The following PRKCH variants were observed in gnomAD, a reference collection of about 807,000 sequenced individuals.
PRKCH encodes the protein protein kinase C eta type.
A neutral mutation model predicts 82.5 loss-of-function variants in PRKCH; 28 were observed. The ratio of observed to expected loss-of-function variants is 0.34; its 90% CI spans 0.25 to 0.47. The LOEUF is 0.47. PRKCH is among the 20% of genes least tolerant of loss of function. The pLI is 1.00. For missense variants in PRKCH, 705 were observed against 881.8 expected (o/e 0.80, Z 2.54); for synonymous variants, 322 against 327.4 (o/e 0.98, Z 0.18).
At chr14:61,231,027 G>C (rs571517229) in intron 1 of PRKCH, among the ~76,000 whole-genome samples, 7 of 152,282 alleles carry the variant, frequency 4.6e-5, no homozygotes, top group Admixed American at 2.6e-4. Flanking sequence ...TCATTAACAG[G>C]GAGATACATT....
At chr14:61,194,631 C>G (rs1454916052) in intron 1 of PRKCH, among the ~76,000 whole-genome samples, 1 of 152,204 alleles carries the variant, frequency 6.6e-6, no homozygotes, top group Non-Finnish European at 1.5e-5. Flanking sequence ...GCAGCCCAAA[C>G]AGACTAAGAC....
At chr14:61,193,054 A>G (rs2044417171) in intron 1 of PRKCH, among the ~76,000 whole-genome samples, 1 of 152,210 alleles carries the variant, frequency 6.6e-6, no homozygotes, top group Non-Finnish European at 1.5e-5. Flanking sequence ...GGGAATAATT[A>G]AAGGCAAGGG....
At chr14:61,243,265 G>C (rs2044855291) in intron 1 of PRKCH, among the ~76,000 whole-genome samples, 1 of 151,690 alleles carries the variant, frequency 6.6e-6, no homozygotes, top group African/African-American at 2.4e-5. Flanking sequence ...AGGTGTGGTT[G>C]TGCGCACCTG....
At chr14:61,263,885 GTGTGTGTGTGTA>G (rs1168358157) in intron 1 of PRKCH, among the ~76,000 whole-genome samples, 69 of 146,494 alleles carry the variant, frequency 4.7e-4, no homozygotes, top group African/African-American at 1.7e-3. Context: ...GTGTGTGTGT[GTGTGTGTGTGTA>G]TGTGTGTGTA....
chr14:61,354,323 T>C (rs936697365), intron 1 of PRKCH, among the ~76,000 whole-genome samples: 6 of 152,302 alleles, frequency 3.9e-5, no homozygotes, highest in East Asian at 3.9e-4. Context: ...ATAATTGCAG[T>C]TCCCATGTTG....
chr14:61,401,255 A>C (rs1382160247), intron 2 of PRKCH, among the ~76,000 whole-genome samples: 2 of 152,208 alleles, frequency 1.3e-5, no homozygotes, highest in Non-Finnish European at 2.9e-5. Flanking sequence ...CTTAAGCTAG[A>C]ACTCAGAAGA....
intron 1 of PRKCH, among the ~76,000 whole-genome samples, chr14:61,196,688 G>A (rs1252716863): frequency 6.6e-6 from 1 of 152,112 alleles, no homozygotes; most frequent in African/African-American, 2.4e-5. Context: ...GGACATAACT[G>A]GAGAATTCTG....
intron 9 of PRKCH, among the ~76,000 whole-genome samples, chr14:61,459,400 A>G (rs964024456): frequency 4.6e-5 from 7 of 152,226 alleles, no homozygotes; most frequent in East Asian, 3.8e-4. Context: ...ACAGCACACT[A>G]TGGGTCTGCT....
chr14:61,236,495 G>A (rs1452613184), intron 1 of PRKCH, among the ~76,000 whole-genome samples: 2 of 151,816 alleles, frequency 1.3e-5, no homozygotes, highest in Non-Finnish European at 2.9e-5. Context: ...GGATCATGAG[G>A]TCAGGAGTTC....
intron 1 of PRKCH, chr14:61,390,744 A>C (rs944613306): frequency 6.5e-6 from 1 of 153,092 alleles, no homozygotes; most frequent in African/African-American, 2.4e-5. Context: ...GATTGACCAG[A>C]CTTTGGTGGA....
Position 61,549,342 on chromosome 14 carries a change from G to A in PRKCH, c.1906-343G>A, listed in dbSNP as rs970936002. 3.9e-5 allele frequency among the ~76,000 whole-genome samples: 6 copies of A among 152,338 alleles called. No homozygotes were observed. In the East Asian group the frequency reaches 5.8e-4, roughly 15 times the overall value. On this transcript the variant is annotated intron_variant, in intron 13 of 13. Transcript: ENST00000332981. ...CAAATACAGCTGCACACCCCTCAGCGAGGCCTGCTGTGAAATGCCACCTTG... is the reference window on the plus strand; with the variant it reads ...CAAATACAGCTGCACACCCCTCAGCAAGGCCTGCTGTGAAATGCCACCTTG...
In PRKCH at chr14:61,280,234, C is replaced by T. The variant is rs1223717654; in HGVS notation, c.-19+92566C>T. 4 of 1,614,036 alleles carry T rather than the reference C, an allele frequency of 2.5e-6. No individual in the cohort carries two copies. The highest frequency in any genetic ancestry group is 2.2e-5 in the East Asian group (1 of 44,888). On this transcript the variant is annotated intron_variant, in intron 1 of 3. Transcript: ENST00000555185. The surrounding 1 kb of genome is among the most constrained non-coding windows in gnomAD (Gnocchi z 5.0). ...CTTGCCACCCATCCACGAGATGCTG[C>T]TGAAGATGAGGAGCTTGTGGCCGCC... is the stretch of plus-strand genomic sequence containing the variant.
chr14:61,530,381 C>T (rs1470176592), intron 11 of PRKCH, 26 bp from the exon 12 acceptor site: 1 of 1,489,134 alleles, frequency 6.7e-7, no homozygotes, highest in East Asian at 2.4e-5. Flanking sequence ...TATGAACCAC[C>T]TTCTCACGCT....
intron 2 of PRKCH, among the ~76,000 whole-genome samples, chr14:61,396,734 C>T (rs76261715): frequency 9.9e-4 from 150 of 151,938 alleles, no homozygotes; most frequent in African/African-American, 3.4e-3. Context: ...GTACAAGAAA[C>T]GAAAAGGAGT....
At chr14:61,196,658 T>C (rs1419569427) in intron 1 of PRKCH, among the ~76,000 whole-genome samples, 3 of 152,230 alleles carry the variant, frequency 2.0e-5, no homozygotes, top group Non-Finnish European at 4.4e-5. Context: ...TGAAAGCCCC[T>C]TTCCAATCTG....
chr14:61,478,704 C>T (rs1325527304), intron 9 of PRKCH, among the ~76,000 whole-genome samples: 1 of 151,970 alleles, frequency 6.6e-6, no homozygotes, highest in Admixed American at 6.6e-5. Context: ...CCAGTCTATA[C>T]AAAAAATTAG....
At chr14:61,366,388 G>C (rs1262412658) in intron 1 of PRKCH, among the ~76,000 whole-genome samples, 1 of 152,074 alleles carries the variant, frequency 6.6e-6, no homozygotes, top group Non-Finnish European at 1.5e-5. Context: ...TTATGGCCAG[G>C]CATCCTTTTC....
At chr14:61,368,923 C>G (rs796667590) in intron 1 of PRKCH, among the ~76,000 whole-genome samples, 6 of 152,076 alleles carry the variant, frequency 3.9e-5, no homozygotes, top group African/African-American at 1.4e-4. Flanking sequence ...TTTACTTATT[C>G]AGAAAGATGT....
rs189979338 is a variant in PRKCH at position 61,469,681 on chromosome 14, A to T, written c.1278+12002A>T. Among the ~76,000 whole-genome samples, 45 of 152,312 alleles carry T rather than the reference A, an allele frequency of 3.0e-4. No individual in the cohort carries two copies. In the East Asian group the frequency reaches 8.1e-3, roughly 27 times the overall value. On this transcript the variant is annotated intron_variant, in intron 9 of 13. Transcript: ENST00000332981. Reference sequence around the variant, plus strand: ...TTTTAAATAACTTGGGTTTTCCTTAATTACTTAATCTCTGCTGAGAACCCA... The same window carrying T: ...TTTTAAATAACTTGGGTTTTCCTTATTTACTTAATCTCTGCTGAGAACCCA...
Sources: gnomAD v4.1 joint callset for allele counts (sites outside exome capture counted in the v4.1 genomes callset) on GRCh38, gnomAD v4.1.1 for gene constraint, Gnocchi (gnomAD v3.1) non-coding constraint, MANE v1.5 for transcripts, NCBI Gene and HGNC (gene_info 2026-07-23, HGNC 2026-07-21) for gene names.